CA10: variants seen among roughly 807,000 people sequenced by gnomAD.
The protein encoded by CA10 is carbonic anhydrase-related protein 10.
In CA10, 14 loss-of-function variants were observed where a neutral mutation model predicts 44.2. That is an observed-to-expected ratio of 0.32 (90% CI 0.21 to 0.50). The LOEUF is 0.50. CA10 is among the 20% of genes least tolerant of loss of function. The pLI is 0.99. For synonymous variants in CA10, 159 were observed against 141.6 expected (o/e 1.12, Z -0.87); for missense variants, 350 against 409.7 (o/e 0.85, Z 1.26).
chr17:51,763,728 C>A (rs1475943136), intron 3 of CA10, among the ~76,000 whole-genome samples: 2 of 151,854 alleles, frequency 1.3e-5, no homozygotes, highest in Non-Finnish European at 1.5e-5. Flanking sequence ...TCATGAGTTC[C>A]TTTCAGTTGC....
chr17:51,853,056 T>C (rs1476382160), intron 3 of CA10, among the ~76,000 whole-genome samples: 7 of 152,084 alleles, frequency 4.6e-5, no homozygotes, highest in Admixed American at 2.6e-4. Flanking sequence ...TTGGAAAAAC[T>C]GAAAGGAGAC....
At chr17:51,980,143 A>G (rs1984603200) in intron 2 of CA10, among the ~76,000 whole-genome samples, 1 of 152,136 alleles carries the variant, frequency 6.6e-6, no homozygotes, top group Admixed American at 6.6e-5. Flanking sequence ...TTACACCCCC[A>G]CCAACAGTGT....
At chr17:51,850,887 T>A (rs1225793500) in intron 3 of CA10, among the ~76,000 whole-genome samples, 2 of 152,148 alleles carry the variant, frequency 1.3e-5, no homozygotes, top group African/African-American at 4.8e-5. Context: ...GAAGAGTGAA[T>A]TCATGGGAGT....
intron 1 of CA10, among the ~76,000 whole-genome samples, chr17:52,100,860 C>A (rs1988521299): frequency 6.6e-6 from 1 of 152,144 alleles, no homozygotes; most frequent in Non-Finnish European, 1.5e-5. Flanking sequence ...TTAGTAAGGT[C>A]TTTCTTGTAC....
In CA10 at chr17:52,011,283, C is replaced by T. The variant is rs560925441; in HGVS notation, c.136+61036G>A. On this transcript the variant is annotated intron_variant, in intron 2 of 8. Coordinates refer to ENST00000451037, the MANE Select transcript of CA10 (RefSeq NM_020178.5). Reference sequence around the variant, plus strand: ...TTCCATAGTCAGCAATCCTGGGCTTCATAGCCCTATGATCAGACTTGCAAA... The same window carrying T: ...TTCCATAGTCAGCAATCCTGGGCTTTATAGCCCTATGATCAGACTTGCAAA... 2.6e-5 allele frequency among the ~76,000 whole-genome samples: 4 copies of T among 152,100 alleles called. No individual in the cohort carries two copies. The South Asian group carries it at 6.2e-4, about 24-fold the overall frequency.
At chr17:51,840,717 T>G (rs778177545) in intron 3 of CA10, among the ~76,000 whole-genome samples, 2 of 152,058 alleles carry the variant, frequency 1.3e-5, no homozygotes, top group African/African-American at 4.8e-5. Flanking sequence ...AAAGTACAAA[T>G]GGAGAAGCTA....
intron 4 of CA10, among the ~76,000 whole-genome samples, chr17:51,663,197 C>CTTTT (rs772717489): frequency 7.0e-6 from 1 of 142,000 alleles, no homozygotes; most frequent in Non-Finnish European, 1.5e-5. Flanking sequence ...TTCCGTGATG[C>CTTTT]TTTTTTTTTT....
intron 2 of CA10, among the ~76,000 whole-genome samples, chr17:51,942,930 G>T (rs553575783): frequency 6.6e-6 from 1 of 152,198 alleles, no homozygotes; most frequent in Admixed American, 6.5e-5. Context: ...TATTGAGTGG[G>T]TGGATGGATG....
intron 2 of CA10, among the ~76,000 whole-genome samples, chr17:52,063,813 G>T (rs983764852): frequency 2.0e-5 from 3 of 152,094 alleles, no homozygotes; most frequent in African/African-American, 7.2e-5. Context: ...CCAGCCTCAG[G>T]TATTCATTTA....
At chr17:51,849,360 A>G (rs533189516) in intron 3 of CA10, among the ~76,000 whole-genome samples, 2 of 150,916 alleles carry the variant, frequency 1.3e-5, no homozygotes, top group South Asian at 4.2e-4. Context: ...GATACACTTA[A>G]TAAAATGTTT....
chr17:52,047,745 T>C (rs1346144489), intron 2 of CA10, among the ~76,000 whole-genome samples: 1 of 151,970 alleles, frequency 6.6e-6, no homozygotes, highest in Non-Finnish European at 1.5e-5. Context: ...ACTGTATATG[T>C]GATTCAATAT....
At chr17:52,064,276 G>A (rs1053666950) in intron 2 of CA10, among the ~76,000 whole-genome samples, 2 of 152,256 alleles carry the variant, frequency 1.3e-5, no homozygotes, top group East Asian at 3.9e-4. Context: ...CAGCCTTATG[G>A]GACTCAGTAG....
intron 3 of CA10, among the ~76,000 whole-genome samples, chr17:51,843,018 G>A (rs1978350742): frequency 6.6e-6 from 1 of 152,202 alleles, no homozygotes; most frequent in Non-Finnish European, 1.5e-5. Context: ...AAAATTCATT[G>A]TGAATGTGTT....
chr17:52,079,234 C>T (rs1987900009), intron 1 of CA10, among the ~76,000 whole-genome samples: 1 of 151,856 alleles, frequency 6.6e-6, no homozygotes, highest in Non-Finnish European at 1.5e-5. Context: ...TGCAGTGAGC[C>T]GAGATTGCAC....
At chr17:51,804,256 A>C (rs1907045702) in intron 3 of CA10, among the ~76,000 whole-genome samples, 1 of 150,962 alleles carries the variant, frequency 6.6e-6, no homozygotes, top group Non-Finnish European at 1.5e-5. Context: ...AGAACAAGAA[A>C]AGAAAGTCAT....
At chr17:51,644,468 A>T (rs1913237140) in intron 6 of CA10, among the ~76,000 whole-genome samples, 1 of 152,070 alleles carries the variant, frequency 6.6e-6, no homozygotes, top group African/African-American at 2.4e-5. Context: ...TACTCTCAGG[A>T]TTTCACCAAC....
chr17:52,146,985 A>C (rs1233241312), intron 1 of CA10, among the ~76,000 whole-genome samples: 1 of 152,236 alleles, frequency 6.6e-6, no homozygotes, highest in East Asian at 1.9e-4. Flanking sequence ...ATTGACATCT[A>C]TTGGACAATT....
intron 3 of CA10, among the ~76,000 whole-genome samples, chr17:51,904,806 G>C (rs888169835): frequency 6.6e-6 from 1 of 152,022 alleles, no homozygotes; most frequent in African/African-American, 2.4e-5. Context: ...GCCTATCGGA[G>C]GCAATGCATG....
At chr17:51,752,707 T>C (rs1904930534) in intron 3 of CA10, among the ~76,000 whole-genome samples, 1 of 152,160 alleles carries the variant, frequency 6.6e-6, no homozygotes, top group African/African-American at 2.4e-5. Flanking sequence ...GGCAGGCGGA[T>C]CACCTGAGGT....
Sources: allele counts gnomAD v4.1 joint callset (sites outside exome capture counted in the v4.1 genomes callset), GRCh38; gene constraint gnomAD v4.1.1; transcripts MANE v1.5; gene names NCBI Gene and HGNC (gene_info 2026-07-23, HGNC 2026-07-21).